The following LRSAM1 variants were observed in gnomAD, a reference collection of about 807,000 sequenced individuals.
LRSAM1 encodes the protein E3 ubiquitin-protein ligase LRSAM1.
LRSAM1 carries 96 observed loss-of-function variants against 118.1 expected under a neutral mutation model. That is an observed-to-expected ratio of 0.81 (90% CI 0.69 to 0.96). LRSAM1 has a LOEUF of 0.96. Ranked by LOEUF, LRSAM1 falls within the 40% of genes least tolerant of loss-of-function variation. LRSAM1 has a pLI of 0.00. For synonymous variants in LRSAM1, 322 were observed against 364.2 expected, an observed-to-expected ratio of 0.88 and a Z score of 1.32; for missense variants, 804 against 915.5, an observed-to-expected ratio of 0.88 and a Z score of 1.57.
Position 127,478,950 on chromosome 9 carries a change from A to G in LRSAM1, c.767A>G (p.Tyr256Cys). The change falls in exon 12 of 26, where the codon TAT (tyrosine) becomes TGT (cysteine). Residue 256 changes from tyrosine to cysteine, a missense_variant. Transcript: ENST00000300417. The part of the protein sequence containing the change: ...ELEWQNRFSD[Y>C]EKRKEQKMLE... ...TCCTCCCAGAACAGGTTCTCAGACT[A>G]TGAGAAGAGGAAGGTAAGAAAATGC... 6.2e-7 allele frequency: 1 copy of G among 1,614,044 alleles called. No individual in the cohort carries two copies. The highest frequency in any genetic ancestry group is 8.5e-7 in the Non-Finnish European group (1 of 1,179,904).
At position 127,495,396 on chromosome 9, in the gene LRSAM1, A is replaced by G; in HGVS notation, c.1676A>G (p.Lys559Arg). ...CAGTATCAACGGCTTTTGAACCAGA[A>G]GCCCTTGTCCTTGAAGCTGCAAGTA... ...LIQYQRLLNQ[K>R]PLSLKLQEEG... Residue 559 changes from lysine (K) to arginine (R), a missense_variant, in exon 22 of 26, where the codon AAG (lysine) becomes AGG (arginine). Lys to Arg is a conservative substitution (Grantham distance 26). Coordinates refer to ENST00000300417, the MANE Select transcript of LRSAM1 (RefSeq NM_001005373.4). The G allele has an allele frequency of 6.2e-7, 1 of 1,613,998 alleles. No individual in the cohort carries two copies.
intron 13 of LRSAM1, 101 bp from the exon 14 acceptor site, chr9:127,479,738 G>T: frequency 6.7e-7 from 1 of 1,502,372 alleles, no homozygotes; most frequent in Non-Finnish European, 9.1e-7. Flanking sequence ...AAAAAGGATT[G>T]GCAAGGCAGG....
At chr9:127,475,459 C>T (rs1160549067) in intron 11 of LRSAM1, among the ~76,000 whole-genome samples, 2 of 151,920 alleles carry the variant, frequency 1.3e-5, no homozygotes, top group Non-Finnish European at 2.9e-5. Context: ...CCACTGCACT[C>T]CAGCCTGTCC....
intron 15 of LRSAM1, among the ~76,000 whole-genome samples, chr9:127,482,113 A>T (rs905127283): frequency 1.6e-4 from 24 of 151,008 alleles, no homozygotes; most frequent in Non-Finnish European, 3.1e-4. Context: ...GTGACAGGCT[A>T]TATTTATAGC....
intron 20 of LRSAM1, 38 bp downstream of exon 20, chr9:127,491,333 G>A: frequency 6.5e-7 from 1 of 1,545,124 alleles, no homozygotes; most frequent in South Asian, 1.1e-5. Context: ...CCTTCACGTG[G>A]TGAGACCCCC....
chr9:127,468,899 G>GCA (rs1835063717), intron 10 of LRSAM1, among the ~76,000 whole-genome samples: 1 of 150,886 alleles, frequency 6.6e-6, no homozygotes, highest in African/African-American at 2.4e-5. Context: ...TGAGGTGGAA[G>GCA]GATCATTTGA....
rs1490066232 is a variant in LRSAM1 at position 127,503,317 on chromosome 9, G to C, written c.*418G>C. 7.4e-6 allele frequency: 2 copies of C among 270,974 alleles called. No individual in the cohort carries two copies. Among genetic ancestry groups the C allele is most frequent in the South Asian group, 7.8e-5 (2 of 25,754 alleles). 16.8% of individuals were successfully genotyped at this position (270,974 alleles called of 1,614,324 possible). A position where few individuals can be genotyped will look rare whatever the true frequency, so the allele number is the denominator to read the frequency against. On this transcript the variant is annotated 3_prime_UTR_variant, in exon 26 of 26. Coordinates refer to ENST00000300417, the MANE Select transcript of LRSAM1 (RefSeq NM_001005373.4). ...GGAGCAGGAGGGCCTGGCTGGGTGA[G>C]GGGAGGCCTTCCTGGGAAGGCGTGT...
intron 24 of LRSAM1, among the ~76,000 whole-genome samples, chr9:127,500,091 T>C (rs958722341): frequency 6.6e-6 from 1 of 151,966 alleles, no homozygotes; most frequent in Non-Finnish European, 1.5e-5. Flanking sequence ...CCGGGCACGT[T>C]GGCTCACGCC....
chr9:127,501,144 G>GT lies in LRSAM1; in HGVS notation c.2046+2dup. The stretch of plus-strand genomic sequence containing the variant: ...GTGTGTCGTGTGCCTGGAACGGGAG[G>GT]TAAGTCCGGGGCCCTCCCCACCCGC... On this transcript the variant is annotated splice_donor_variant, in intron 25 of 25. Transcript: ENST00000300417. LOFTEE classifies it high-confidence loss of function. 1 of 1,612,554 alleles carries GT rather than the reference G, an allele frequency of 6.2e-7. No homozygotes were observed. Among genetic ancestry groups the GT allele is most frequent in the Non-Finnish European group, 8.5e-7 (1 of 1,179,936 alleles).
intron 14 of LRSAM1, 103 bp downstream of exon 14, chr9:127,480,081 C>G: frequency 6.6e-7 from 1 of 1,508,766 alleles, no homozygotes; most frequent in Non-Finnish European, 9.2e-7. Context: ...TGCCCCTGCC[C>G]CGGGCTTCCC....
chr9:127,462,206 T>G (rs1588100594), intron 8 of LRSAM1, 46 bp from the exon 9 acceptor site: 1 of 1,611,870 alleles, frequency 6.2e-7, no homozygotes, highest in Admixed American at 1.7e-5. Flanking sequence ...AGGAAGCTGG[T>G]GATGGGGATT....
intron 7 of LRSAM1, among the ~76,000 whole-genome samples, chr9:127,459,529 C>T (rs958655301): frequency 6.6e-6 from 1 of 151,210 alleles, no homozygotes; most frequent in African/African-American, 2.4e-5. Flanking sequence ...AATTGTACCA[C>T]TTTGAGCCAC....
rs867569333 is a variant in LRSAM1 at position 127,503,460 on chromosome 9, G to A, written c.*561G>A. On this transcript the variant is annotated 3_prime_UTR_variant, in exon 26 of 26. Coordinates refer to ENST00000300417, the MANE Select transcript of LRSAM1 (RefSeq NM_001005373.4). ...TGTCCCTCCTTACCCCATGTAGCTC[G>A]ATCCGAAGCAGGAGTGTCAATAAAC... 2.5e-5 allele frequency: 4 copies of A among 158,826 alleles called. No homozygotes were observed. Among genetic ancestry groups the A allele is most frequent in the Admixed American group, 1.8e-4 (3 of 16,456 alleles). The allele number at this position is 158,826 out of a possible 1,614,324, so 9.8% of individuals were successfully genotyped here.
rs1222510919 is a variant in LRSAM1 at position 127,502,769 on chromosome 9, C to A, written c.2047-5C>A. The A allele has an allele frequency of 1.9e-6, 3 of 1,613,018 alleles. No individual in the cohort carries two copies. Among genetic ancestry groups the A allele is most frequent in the Non-Finnish European group, 2.5e-6 (3 of 1,179,878 alleles). ...CAGCCACATGCTCCCGCTCTCCCTC[C>A]CCAGGCCCAGATGATCTTCCTCAAC... On this transcript the variant is annotated splice_polypyrimidine_tract_variant and splice_region_variant and intron_variant, in intron 25 of 25. Transcript: ENST00000300417.
intron 25 of LRSAM1, 74 bp downstream of exon 25, chr9:127,501,217 G>A: frequency 6.4e-7 from 1 of 1,552,490 alleles, no homozygotes; most frequent in Non-Finnish European, 8.7e-7. Flanking sequence ...GTACAGGGTT[G>A]TCTCTGAACG....
chr9:127,490,333 G>C (rs539810444), intron 19 of LRSAM1, among the ~76,000 whole-genome samples: 2 of 150,272 alleles, frequency 1.3e-5, no homozygotes, highest in African/African-American at 2.5e-5. Flanking sequence ...CCACATTGCC[G>C]GACATGAAGC....
chr9:127,462,426 C>G, intron 9 of LRSAM1, 53 bp downstream of exon 9: 1 of 1,612,150 alleles, frequency 6.2e-7, no homozygotes, highest in Non-Finnish European at 8.5e-7. Context: ...CCCACCTCCC[C>G]TCTCTCCCAC....
chr9:127,500,453 C>T lies in LRSAM1; in HGVS notation c.1913-557C>T, dbSNP rs576074053. ...ACTCCAGGGCAGAGCAGCCAGCATG[C>T]TGGGGACTCTGTGGGGCTGGGGGCA... On this transcript the variant is annotated intron_variant, in intron 24 of 25. Coordinates refer to ENST00000300417, the MANE Select transcript of LRSAM1 (RefSeq NM_001005373.4). Among the ~76,000 whole-genome samples the T allele has an allele frequency of 3.0e-3, 450 of 151,910 alleles. 2 individuals are homozygous for T. Among genetic ancestry groups the T allele is most frequent in the Non-Finnish European group, 5.0e-3 (341 of 67,930 alleles).
At chr9:127,461,098 C>G in intron 7 of LRSAM1, 75 bp from the exon 8 acceptor site, 1 of 1,146,010 alleles carries the variant, frequency 8.7e-7, no homozygotes, top group Non-Finnish European at 1.3e-6. Flanking sequence ...TTGTGATCCA[C>G]CTGCCTCGGC....
Sources: gnomAD v4.1 joint callset for allele counts (sites outside exome capture counted in the v4.1 genomes callset) on GRCh38, gnomAD v4.1.1 for gene constraint, MANE v1.5 for transcripts, NCBI Gene and HGNC (gene_info 2026-07-23, HGNC 2026-07-21) for gene names.